Variants in ADCYAP1R1 observed in about 807,000 individuals in gnomAD.
The protein encoded by ADCYAP1R1 is ADCYAP receptor type I, also known as pituitary adenylate cyclase-activating polypeptide type I receptor.
ADCYAP1R1 carries 44 observed loss-of-function variants against 67.6 expected under a neutral mutation model. That is an observed-to-expected ratio of 0.65 (90% CI 0.51 to 0.84). ADCYAP1R1 has a LOEUF of 0.84. Among genes scored for constraint, ADCYAP1R1 ranks in the 40% least tolerant of loss-of-function variants. The pLI, the probability that ADCYAP1R1 is intolerant of heterozygous loss-of-function variation, is 0.00. For synonymous variants in ADCYAP1R1, 222 were observed against 219.6 expected (o/e 1.01, Z -0.10); for missense variants, 477 against 587.9 (o/e 0.81, Z 1.95).
At chr7:31,055,174 A>AT (rs945312899) in intron 1 of ADCYAP1R1, among the ~76,000 whole-genome samples, 52 of 152,326 alleles carry the variant, frequency 3.4e-4, no homozygotes, top group African/African-American at 1.3e-3. Context: ...CTGGGGCACA[A>AT]TAGTGACAAG....
At chr7:31,077,653 GAT>G in intron 3 of ADCYAP1R1, among the ~76,000 whole-genome samples, 1 of 146,956 alleles carries the variant, frequency 6.8e-6, no homozygotes, top group African/African-American at 2.5e-5. Context: ...TGGTGTGTGT[GAT>G]GTGTGTGTGG....
At chr7:31,066,847 G>A (rs1190247778) in intron 3 of ADCYAP1R1, among the ~76,000 whole-genome samples, 1 of 152,224 alleles carries the variant, frequency 6.6e-6, no homozygotes, top group Non-Finnish European at 1.5e-5. Context: ...ACTGTAGGCT[G>A]AGGAATCCAC....
In ADCYAP1R1 at chr7:31,064,934, C is replaced by T; in HGVS notation, c.155C>T (p.Pro52Leu). The change falls in exon 3 of 16, where the codon CCA (proline) becomes CTA (leucine). Residue 52 changes from proline to leucine, a missense_variant and splice_region_variant. By Grantham distance (98) the Pro-to-Leu change is moderately conservative. Transcript: ENST00000304166. ...CTGATGGGCTTCAATGATTCCTCTCCAGGTGAGCGGGGCGGCAGGGAGCAT... is the reference window on the plus strand; with the variant it reads ...CTGATGGGCTTCAATGATTCCTCTCTAGGTGAGCGGGGCGGCAGGGAGCAT... ...NELMGFNDSS[P>L]GCPGMWDNIT... The T allele has an allele frequency of 1.2e-6, 2 of 1,605,388 alleles. No homozygotes were observed. The highest frequency in any genetic ancestry group is 1.7e-6 in the Non-Finnish European group (2 of 1,175,066).
intron 15 of ADCYAP1R1, among the ~76,000 whole-genome samples, chr7:31,105,498 T>C (rs1000629717): frequency 2.6e-5 from 4 of 152,216 alleles, no homozygotes; most frequent in East Asian, 1.9e-4. Flanking sequence ...CTGTACCCTA[T>C]TGGGGTAAAG....
At chr7:31,104,955 T>C in intron 15 of ADCYAP1R1, 46 bp downstream of exon 15, 1 of 1,603,068 alleles carries the variant, frequency 6.2e-7, no homozygotes, top group Non-Finnish European at 8.5e-7. Flanking sequence ...AGTGGGGCTT[T>C]CTGGGGAGCA....
chr7:31,063,412 C>T, intron 2 of ADCYAP1R1, 97 bp downstream of exon 2: 1 of 1,407,340 alleles, frequency 7.1e-7, no homozygotes, highest in Non-Finnish European at 1.0e-6. Context: ...CTCAGCTCTT[C>T]ATCTGGCTGG....
At chr7:31,077,018 G>A (rs1195276558) in intron 3 of ADCYAP1R1, among the ~76,000 whole-genome samples, 1 of 152,178 alleles carries the variant, frequency 6.6e-6, no homozygotes, top group East Asian at 1.9e-4. Context: ...TCGGGGGTGT[G>A]GGGCGGTGTA....
intron 3 of ADCYAP1R1, among the ~76,000 whole-genome samples, chr7:31,067,967 G>A (rs1300357178): frequency 6.6e-6 from 1 of 152,196 alleles, no homozygotes; most frequent in Non-Finnish European, 1.5e-5. Flanking sequence ...ACATCTCTAG[G>A]AAGCAGGTCA....
At chr7:31,090,462 G>T (rs1482584015) in intron 12 of ADCYAP1R1, among the ~76,000 whole-genome samples, 7 of 152,110 alleles carry the variant, frequency 4.6e-5, no homozygotes, top group Admixed American at 2.0e-4. Context: ...GTGCAGGTTT[G>T]TTACATAGGT....
chr7:31,054,768 C>T (rs553747882), intron 1 of ADCYAP1R1, among the ~76,000 whole-genome samples: 1 of 152,320 alleles, frequency 6.6e-6, no homozygotes, highest in South Asian at 2.1e-4. Flanking sequence ...TAGCTCGGTG[C>T]CAGGAAGGCC....
At chr7:31,059,067 C>A (rs185391202) in intron 1 of ADCYAP1R1, among the ~76,000 whole-genome samples, 137 of 152,214 alleles carry the variant, frequency 9.0e-4, no homozygotes, top group Non-Finnish European at 1.5e-3. Context: ...GCACAGGAGG[C>A]CTGCTATTCC....
chr7:31,056,011 G>T (rs1045862581), intron 1 of ADCYAP1R1, among the ~76,000 whole-genome samples: 5 of 152,228 alleles, frequency 3.3e-5, no homozygotes, highest in African/African-American at 1.2e-4. Flanking sequence ...AACAGTTCCT[G>T]AGCCCCCTTC....
chr7:31,104,983 T>TC, intron 15 of ADCYAP1R1, 74 bp downstream of exon 15: 3 of 1,487,106 alleles, frequency 2.0e-6, no homozygotes, highest in Non-Finnish European at 2.8e-6. Context: ...GAACCACCTG[T>TC]TGGCCACATG....
At chr7:31,088,200 T>C (rs1184317831) in intron 12 of ADCYAP1R1, among the ~76,000 whole-genome samples, 1 of 152,236 alleles carries the variant, frequency 6.6e-6, no homozygotes, top group Non-Finnish European at 1.5e-5. Flanking sequence ...GAGCACTTGT[T>C]TCCAAACATT....
chr7:31,061,011 A>G (rs1442810539), intron 1 of ADCYAP1R1, among the ~76,000 whole-genome samples: 1 of 152,224 alleles, frequency 6.6e-6, no homozygotes, highest in Non-Finnish European at 1.5e-5. Flanking sequence ...TGGGCAGCCC[A>G]GGTTTCATAC....
intron 2 of ADCYAP1R1, among the ~76,000 whole-genome samples, chr7:31,064,161 C>T (rs1794632280): frequency 6.6e-6 from 1 of 152,236 alleles, no homozygotes; most frequent in Admixed American, 6.5e-5. Flanking sequence ...GCCCCAGTTT[C>T]TCCTTCTGTA....
chr7:31,100,672 C>G (rs1295564444), intron 13 of ADCYAP1R1, among the ~76,000 whole-genome samples: 1 of 152,188 alleles, frequency 6.6e-6, no homozygotes, highest in Admixed American at 6.5e-5. Context: ...CACAACAACT[C>G]TATGAGCTGG....
At position 31,064,947 on chromosome 7, in the gene ADCYAP1R1, C is replaced by T. The variant is rs764289641; in HGVS notation, c.157+11C>T. On this transcript the variant is annotated intron_variant, in intron 3 of 15. Transcript: ENST00000304166. ...ATGATTCCTCTCCAGGTGAGCGGGGCGGCAGGGAGCATGCCACGTCCCCAG... is the reference window on the plus strand; with the variant it reads ...ATGATTCCTCTCCAGGTGAGCGGGGTGGCAGGGAGCATGCCACGTCCCCAG... 21 of 1,590,514 alleles carry T rather than the reference C, an allele frequency of 1.3e-5. No homozygotes were observed. The highest frequency in any genetic ancestry group is 1.7e-4 in the Middle Eastern group (1 of 5,976).
chr7:31,094,896 A>G (rs557499706), intron 13 of ADCYAP1R1, among the ~76,000 whole-genome samples: 1 of 152,016 alleles, frequency 6.6e-6, no homozygotes, highest in East Asian at 1.9e-4. Flanking sequence ...ATCTCAGCAA[A>G]TCTTTTTTTT....
Sources: allele counts gnomAD v4.1 joint callset (sites outside exome capture counted in the v4.1 genomes callset), GRCh38; gene constraint gnomAD v4.1.1; transcripts MANE v1.5; gene names NCBI Gene and HGNC (gene_info 2026-07-23, HGNC 2026-07-21).